The following COL24A1 variants were observed in gnomAD, a reference collection of about 807,000 sequenced individuals.
The protein encoded by COL24A1 is collagen alpha-1(XXIV) chain.
COL24A1 carries 224 observed loss-of-function variants against 253.9 expected under a neutral mutation model. The ratio of observed to expected loss-of-function variants is 0.88; its 90% CI spans 0.79 to 0.99. The LOEUF (loss-of-function observed/expected upper bound fraction) is 0.99, where lower values mean the gene tolerates loss of function less well. COL24A1 is among the 50% of genes least tolerant of loss of function. The pLI, the probability that COL24A1 is intolerant of heterozygous loss-of-function variation, is 0.00. For missense variants in COL24A1, 2,131 were observed against 2,068.5 expected (o/e 1.03, Z -0.59); for synonymous variants, 685 against 673.7 (o/e 1.02, Z -0.26).
intron 59 of COL24A1, 63 bp downstream of exon 59, chr1:85,734,686 T>G: frequency 7.0e-7 from 1 of 1,420,938 alleles, no homozygotes; most frequent in Non-Finnish European, 9.9e-7. Context: ...TTATCCTAAT[T>G]TTATGGTTTT....
At position 85,945,002 on chromosome 1, in the gene COL24A1, GTTTTTTTTTTTTTTTT is replaced by G. The variant is rs1165341082; in HGVS notation, c.2562+16231_2562+16246del. On this transcript the variant is annotated intron_variant, in intron 24 of 59. Coordinates refer to ENST00000370571, the MANE Select transcript of COL24A1 (RefSeq NM_152890.7). ...TTTTCTTAATCCAGTCTATCATTGT[GTTTTTTTTTTTTTTTT>G]TTTTTTTTTTTTTTTTTGAGACAGA... 4.2e-4 allele frequency among the ~76,000 whole-genome samples: 15 copies of G among 35,366 alleles called. No homozygotes were observed. The East Asian group carries it at 5.9e-3, about 14-fold the overall frequency. The allele number at this position is 35,366 out of a possible 152,430, so 23.2% of individuals were successfully genotyped here.
chr1:86,096,138 G>A (rs1703875872), intron 5 of COL24A1, among the ~76,000 whole-genome samples: 1 of 152,044 alleles, frequency 6.6e-6, no homozygotes, highest in Non-Finnish European at 1.5e-5. Flanking sequence ...GATTATAAAG[G>A]TATTAGTAGT....
At chr1:86,110,059 G>A (rs1390453852) in intron 5 of COL24A1, among the ~76,000 whole-genome samples, 1 of 151,944 alleles carries the variant, frequency 6.6e-6, no homozygotes, top group African/African-American at 2.4e-5. Flanking sequence ...AATTTCTGTT[G>A]CTTATAAACT....
At chr1:85,848,882 A>G (rs1047631996) in intron 38 of COL24A1, among the ~76,000 whole-genome samples, 2 of 152,238 alleles carry the variant, frequency 1.3e-5, no homozygotes, top group South Asian at 4.1e-4. Context: ...TATTTTTAGT[A>G]AAATATAAAG....
rs1283564119 is a variant in COL24A1 at position 85,873,234 on chromosome 1, T to C, written c.3138+1415A>G. 2.6e-5 allele frequency among the ~76,000 whole-genome samples: 4 copies of C among 152,306 alleles called. No homozygotes were observed. In the East Asian group the frequency reaches 7.7e-4, roughly 29 times the overall value. On this transcript the variant is annotated intron_variant, in intron 35 of 59. Coordinates refer to ENST00000370571, the MANE Select transcript of COL24A1 (RefSeq NM_152890.7). ...TAGAAATAGGAACACTTTTACACTG[T>C]TGGTGGGACTGTAAACTAGTTCAAC...
intron 19 of COL24A1, among the ~76,000 whole-genome samples, chr1:86,007,282 G>C (rs542844865): frequency 8.8e-4 from 134 of 152,150 alleles, no homozygotes; most frequent in African/African-American, 3.1e-3. Flanking sequence ...TGGTGCCACT[G>C]CACACTCACT....
chr1:85,847,780 T>G lies in COL24A1; in HGVS notation c.3355-8A>C. 1 of 1,595,356 alleles carries G rather than the reference T, an allele frequency of 6.3e-7. No homozygotes were observed. Among genetic ancestry groups the G allele is most frequent in the Non-Finnish European group, 8.6e-7 (1 of 1,163,674 alleles). On this transcript the variant is annotated splice_polypyrimidine_tract_variant and splice_region_variant and intron_variant, in intron 38 of 59. Coordinates refer to ENST00000370571, the MANE Select transcript of COL24A1 (RefSeq NM_152890.7). ...TATTTGTCCTTTATCACCCTGTGGA[T>G]GACATTATTAAGAGAGAAAAGCAAG...
chr1:86,072,642 T>G (rs559358056), intron 7 of COL24A1, among the ~76,000 whole-genome samples: 37 of 152,238 alleles, frequency 2.4e-4, no homozygotes, highest in African/African-American at 7.5e-4. Context: ...TACTAAGGGA[T>G]AGACTGCCTC....
At chr1:86,008,418 T>C (rs916609237) in intron 19 of COL24A1, among the ~76,000 whole-genome samples, 4 of 152,108 alleles carry the variant, frequency 2.6e-5, no homozygotes, top group African/African-American at 9.7e-5. Context: ...CTAATTTTTG[T>C]GTCTTTTTTG....
At chr1:85,755,372 T>C (rs1666123263) in intron 55 of COL24A1, among the ~76,000 whole-genome samples, 2 of 152,126 alleles carry the variant, frequency 1.3e-5, no homozygotes, top group Non-Finnish European at 2.9e-5. Context: ...AGAGCAGTAG[T>C]AGAAGTTACA....
chr1:86,124,850 G>T lies in COL24A1; in HGVS notation c.1486C>A (p.Pro496Thr). The T allele has an allele frequency of 2.6e-6, 4 of 1,540,580 alleles. No homozygotes were observed. The highest frequency in any genetic ancestry group is 2.6e-6 in the Non-Finnish European group (3 of 1,153,918). Residue 496 changes from proline (P) to threonine (T), a missense_variant, in exon 3 of 60, where the codon CCT becomes ACT. By Grantham distance (38) the Pro-to-Thr change is conservative. Coordinates refer to ENST00000370571, the MANE Select transcript of COL24A1 (RefSeq NM_152890.7). ...TTAAAAAAAAAAAAACTTACGGGAG[G>T]TCCAGTGTCTCCTTTTGGCCCTCTC... The part of the protein sequence containing the change: ...YLRGPKGDTG[P>T]PGPPGPAGIP...
chr1:85,885,397 A>ATATTTTTTTTTT (rs60994639), intron 32 of COL24A1, among the ~76,000 whole-genome samples: 106 of 128,890 alleles, frequency 8.2e-4, no homozygotes, highest in Non-Finnish European at 1.4e-3. Flanking sequence ...ATATATATAT[A>ATATTTTTTTTTT]TTTTTTTTTT....
intron 5 of COL24A1, among the ~76,000 whole-genome samples, chr1:86,101,983 T>C (rs746578318): frequency 6.6e-6 from 1 of 152,086 alleles, no homozygotes; most frequent in Non-Finnish European, 1.5e-5. Context: ...GTACATCTAG[T>C]AGAATTTTAC....
chr1:85,883,016 A>T (rs1682039845), intron 32 of COL24A1, among the ~76,000 whole-genome samples: 1 of 152,170 alleles, frequency 6.6e-6, no homozygotes, highest in Non-Finnish European at 1.5e-5. Flanking sequence ...TTTCCTATTC[A>T]CTTTGGCAAT....
intron 19 of COL24A1, among the ~76,000 whole-genome samples, chr1:86,015,130 G>A (rs867389639): frequency 6.6e-6 from 1 of 152,150 alleles, no homozygotes; most frequent in Non-Finnish European, 1.5e-5. Context: ...ACAAGGATTT[G>A]GATAAAAGTG....
chr1:85,801,298 C>T (rs897788227), intron 47 of COL24A1, among the ~76,000 whole-genome samples: 1 of 152,190 alleles, frequency 6.6e-6, no homozygotes, highest in Non-Finnish European at 1.5e-5. Flanking sequence ...GCAACTTGTC[C>T]TGCGAATCTG....
intron 5 of COL24A1, among the ~76,000 whole-genome samples, chr1:86,097,396 C>T (rs534443792): frequency 3.4e-4 from 52 of 151,332 alleles, no homozygotes; most frequent in Middle Eastern, 3.4e-3. Context: ...TTTCTTTCTT[C>T]GTCTTTCTTC....
At chr1:85,841,544 T>C (rs1676617547) in intron 41 of COL24A1, among the ~76,000 whole-genome samples, 1 of 152,148 alleles carries the variant, frequency 6.6e-6, no homozygotes, top group Non-Finnish European at 1.5e-5. Context: ...TCAATGATAT[T>C]GTAAATTAAG....
At chr1:85,789,969 A>T (rs1670091376) in intron 47 of COL24A1, among the ~76,000 whole-genome samples, 2 of 151,920 alleles carry the variant, frequency 1.3e-5, no homozygotes, top group Admixed American at 6.6e-5. Context: ...ATTATTGAGG[A>T]TTTTGCATTG....
Sources: gnomAD v4.1 joint callset for allele counts (sites outside exome capture counted in the v4.1 genomes callset) on GRCh38, gnomAD v4.1.1 for gene constraint, MANE v1.5 for transcripts, NCBI Gene and HGNC (gene_info 2026-07-23, HGNC 2026-07-21) for gene names.